PITPNM1: variants seen among roughly 807,000 people sequenced by gnomAD.
PITPNM1 encodes the protein membrane-associated phosphatidylinositol transfer protein 1.
A neutral mutation model predicts 133.3 loss-of-function variants in PITPNM1; 74 were observed. That is an observed-to-expected ratio of 0.56 (90% CI 0.46 to 0.67). The LOEUF (loss-of-function observed/expected upper bound fraction) is 0.67, where lower values mean the gene tolerates loss of function less well. Among genes scored for constraint, PITPNM1 ranks in the 30% least tolerant of loss-of-function variants. The pLI, the probability that PITPNM1 is intolerant of heterozygous loss-of-function variation, is 0.00. For missense variants in PITPNM1, 1,398 were observed against 1,739.5 expected, an observed-to-expected ratio of 0.80 and a Z score of 3.49; for synonymous variants, 738 against 741.4, an observed-to-expected ratio of 1.00 and a Z score of 0.08.
In PITPNM1 at chr11:67,498,558, T is replaced by A; in HGVS notation, c.1484+38A>T. The A allele has an allele frequency of 6.3e-7, 1 of 1,584,670 alleles. No homozygotes were observed. Among genetic ancestry groups the A allele is most frequent in the South Asian group, 1.1e-5 (1 of 89,922 alleles). ...CTCCCTGCCCCGCTCCCTGGCCTGA[T>A]CCTACGAGTTCCCTGCCCTTCCACC... On this transcript the variant is annotated intron_variant, in intron 10 of 23. Coordinates refer to ENST00000356404, the MANE Select transcript of PITPNM1 (RefSeq NM_004910.3). The surrounding 1 kb of genome is among the most constrained non-coding windows in gnomAD (Gnocchi z 5.7).
Position 67,497,269 on chromosome 11 carries a change from A to G in PITPNM1, c.2108T>C (p.Val703Ala). The change falls in exon 14 of 24, where the codon GTG (valine) becomes GCG (alanine). Residue 703 changes from valine (V) to alanine (A), a missense_variant. Around this residue, in one of 5 missense-constraint regions of PITPNM1, gnomAD observed 574 missense variants for 698.7 expected, o/e 0.82. Transcript: ENST00000356404. ...FFLFGSPLGLVLALRKTVMPA... is the reference protein window; with the variant it reads ...FFLFGSPLGLALALRKTVMPA... ...CATCACAGTTTTGCGCAGAGCCAGC[A>G]CCAGGCCCAGTGGGGAGCCGAAGAG... is the stretch of plus-strand genomic sequence containing the variant. 1 of 1,612,164 alleles carries G rather than the reference A, an allele frequency of 6.2e-7. No individual in the cohort carries two copies. Among genetic ancestry groups the G allele is most frequent in the South Asian group, 1.1e-5 (1 of 91,040 alleles).
At position 67,498,760 on chromosome 11, in the gene PITPNM1, G is replaced by A; in HGVS notation, c.1320C>T (p.Asp440=). ...TGGAGTTGGCGTCTCCAGGGCCTGA[G>A]TCCAGGATGTTGCCGCTGTGCAGGA... The part of the protein sequence containing the change: ...FLILHSGNIL[D]SGPGDANSKQ... The change falls in exon 10 of 24, where the codon GAC becomes GAT. Residue 440 remains aspartate (D), a synonymous_variant. Transcript: ENST00000356404. The surrounding 1 kb of genome is among the most constrained non-coding windows in gnomAD (Gnocchi z 5.7). The A allele has an allele frequency of 6.2e-7, 1 of 1,611,990 alleles. No individual in the cohort carries two copies. Among genetic ancestry groups the A allele is most frequent in the Non-Finnish European group, 8.5e-7 (1 of 1,180,002 alleles).
At chr11:67,492,846 T>C (rs1865976107) in intron 23 of PITPNM1, 88 bp downstream of exon 23, 1 of 1,490,320 alleles carries the variant, frequency 6.7e-7, no homozygotes, top group African/African-American at 1.4e-5. Context: ...TTCTCACATC[T>C]TCCCCAGAGT....
chr11:67,497,717 G>A (rs756699613), intron 12 of PITPNM1, 38 bp from the exon 13 acceptor site: 3 of 1,600,564 alleles, frequency 1.9e-6, no homozygotes, highest in Admixed American at 1.8e-5. Flanking sequence ...CTTAGGCCTG[G>A]GGACCATTCG....
rs1278669995 is a variant in PITPNM1 at position 67,502,950 on chromosome 11, A to G, written c.79-232T>C. ...AGTTGAGTCATTCAAGTATTCATTG[A>G]GTGTCTGCTCCACTCCAGGCAGTGT... On this transcript the variant is annotated intron_variant, in intron 2 of 23. Transcript: ENST00000356404. The surrounding 1 kb of genome is among the most constrained non-coding windows in gnomAD (Gnocchi z 5.9). Among the ~76,000 whole-genome samples the G allele has an allele frequency of 6.6e-6, 1 of 152,230 alleles. No individual in the cohort carries two copies. Among genetic ancestry groups the G allele is most frequent in the Non-Finnish European group, 1.5e-5 (1 of 68,044 alleles).
intron 5 of PITPNM1, among the ~76,000 whole-genome samples, chr11:67,500,669 C>T (rs111838718): frequency 1.3e-5 from 2 of 152,242 alleles, no homozygotes; most frequent in Non-Finnish European, 1.5e-5. Flanking sequence ...GCACTGTCCC[C>T]ACCCCATCAC....
rs1344150216 is a variant in PITPNM1, at chr11:67,502,774, T to G, written c.79-56A>C. The G allele has an allele frequency of 6.4e-7, 1 of 1,551,238 alleles. No homozygotes were observed. Among genetic ancestry groups the G allele is most frequent in the Non-Finnish European group, 8.9e-7 (1 of 1,128,586 alleles). The stretch of plus-strand genomic sequence containing the variant: ...CTCAGCCCCAGCTTAGCATCTGGGA[T>G]CCCCAGCTCAGCCTGGTGTTCTACA... On this transcript the variant is annotated intron_variant, in intron 2 of 23. Coordinates refer to ENST00000356404, the MANE Select transcript of PITPNM1 (RefSeq NM_004910.3). The surrounding 1 kb of genome is among the most constrained non-coding windows in gnomAD (Gnocchi z 5.9).
In PITPNM1 at chr11:67,492,966, G is replaced by A; in HGVS notation, c.3439C>T (p.Arg1147Cys). 2 of 1,612,968 alleles carry A rather than the reference G, an allele frequency of 1.2e-6. No homozygotes were observed. The highest frequency in any genetic ancestry group is 1.7e-6 in the Non-Finnish European group (2 of 1,179,932). ...LSPSQTYIVG[R>C]AVRKLQAQCQ... Reference sequence around the variant, plus strand: ...TGCGCCTGTAGCTTCCGCACGGCACGGCCCACGATGTAGGTCTGGCTCGGG... The same window carrying A: ...TGCGCCTGTAGCTTCCGCACGGCACAGCCCACGATGTAGGTCTGGCTCGGG... The change falls in exon 23 of 24, where the codon CGT (arginine) becomes TGT (cysteine). Residue 1147 changes from arginine to cysteine, a missense_variant. By Grantham distance (180) the Arg-to-Cys change is radical. This residue lies in a region of PITPNM1 where 233 missense variants were observed against 378.0 expected (regional missense o/e 0.62). Coordinates refer to ENST00000356404, the MANE Select transcript of PITPNM1 (RefSeq NM_004910.3).
chr11:67,496,517 G>C, intron 14 of PITPNM1, 169 bp from the exon 15 acceptor site: 1 of 571,768 alleles, frequency 1.7e-6, no homozygotes, highest in Non-Finnish European at 2.9e-6. Flanking sequence ...AGTGAGACAG[G>C]GGCTGGGCAC....
chr11:67,497,630 G>C lies in PITPNM1; in HGVS notation c.1832C>G (p.Ala611Gly). The C allele has an allele frequency of 6.2e-7, 1 of 1,608,530 alleles. No individual in the cohort carries two copies. The highest frequency in any genetic ancestry group is 1.1e-5 in the South Asian group (1 of 90,602). Reference protein sequence around the residue: ...PEFGPVRDPLADGVEGLGRGS... With the variant: ...PEFGPVRDPLGDGVEGLGRGS... ...CCGACCCAGGCCTTCCACACCATCT[G>C]CCAGGGGGTCCCGCACTGGGCCAAA... Residue 611 changes from alanine (A) to glycine (G), a missense_variant, in exon 13 of 24, where the codon GCA (alanine) becomes GGA (glycine). Transcript: ENST00000356404.
Position 67,504,576 on chromosome 11 carries a change from C to A in PITPNM1, c.-41-355G>T, listed in dbSNP as rs1411437273. On this transcript the variant is annotated intron_variant, in intron 1 of 23. Coordinates refer to ENST00000356404, the MANE Select transcript of PITPNM1 (RefSeq NM_004910.3). This position sits in a 1 kb window ranked among gnomAD's most constrained non-coding sequence, Gnocchi z 5.4. ...GGGAAACGGCATCCCTCTGGGCGCGCCCCCGAAGCCCCGGGGCCCCTCCTT... is the reference window on the plus strand; with the variant it reads ...GGGAAACGGCATCCCTCTGGGCGCGACCCCGAAGCCCCGGGGCCCCTCCTT... 2 of 152,010 alleles carry A rather than the reference C, an allele frequency of 1.3e-5. No individual in the cohort carries two copies. The highest frequency in any genetic ancestry group is 4.8e-5 in the African/African-American group (2 of 41,394). The allele number at this position is 152,010 out of a possible 1,614,324, so 9.4% of individuals were successfully genotyped here.
chr11:67,493,491 G>A lies in PITPNM1; in HGVS notation c.3261C>T (p.His1087=), dbSNP rs368390007. Residue 1087 remains histidine (H), a synonymous_variant, in exon 22 of 24, where the codon CAC becomes CAT. Coordinates refer to ENST00000356404, the MANE Select transcript of PITPNM1 (RefSeq NM_004910.3). ...VAWLSQHNFP[H]GVVSFCDGLT... ...GGCCGTCGCAGAAGGAGACGACGCC[G>A]TGGGGGAAGTTGTGCTGCGACAGCC... 6 of 1,601,812 alleles carry A rather than the reference G, an allele frequency of 3.7e-6. No individual in the cohort carries two copies. In the African/African-American group the frequency reaches 5.4e-5, roughly 14 times the overall value.
At position 67,502,024 on chromosome 11, in the gene PITPNM1, G is replaced by A. The variant is rs776843118; in HGVS notation, c.478C>T (p.Arg160Trp). The A allele has an allele frequency of 1.1e-5, 17 of 1,613,280 alleles. No individual in the cohort carries two copies. The highest frequency in any genetic ancestry group is 1.7e-5 in the Admixed American group (1 of 59,994). ...PGEYKAEEDP[R>W]LYHSVKTGRG... is the part of the protein sequence containing the mutation. ...CCCGTCTTGACCGAGTGATAAAGCC[G>A]GGGGTCCTCTTCTGCTTTGTACTCG... The change falls in exon 5 of 24, where the codon CGG (arginine) becomes TGG (tryptophan). Residue 160 changes from arginine to tryptophan, a missense_variant. Coordinates refer to ENST00000356404, the MANE Select transcript of PITPNM1 (RefSeq NM_004910.3). This position sits in a 1 kb window ranked among gnomAD's most constrained non-coding sequence, Gnocchi z 5.9.
At position 67,494,828 on chromosome 11, in the gene PITPNM1, G is replaced by A. The variant is rs200799639; in HGVS notation, c.2742+18C>T. 579 of 1,553,248 alleles carry A rather than the reference G, an allele frequency of 3.7e-4. No individual in the cohort carries two copies. The highest frequency in any genetic ancestry group is 5.1e-4 in the Admixed American group (30 of 58,870). ...AGAGTGGGCGAGTGGGCGAGGGGGC[G>A]AGGGGCAGGGCACCTACCCGGATCT... On this transcript the variant is annotated intron_variant, in intron 18 of 23. Transcript: ENST00000356404.
chr11:67,504,674 C>G lies in PITPNM1; in HGVS notation c.-41-453G>C, dbSNP rs1866442237. 6.6e-6 allele frequency: 1 copy of G among 152,238 alleles called. No individual in the cohort carries two copies. The highest frequency in any genetic ancestry group is 2.4e-5 in the African/African-American group (1 of 41,464). 9.4% of individuals were successfully genotyped at this position (152,238 alleles called of 1,614,324 possible). On this transcript the variant is annotated intron_variant, in intron 1 of 23. Transcript: ENST00000356404. This position sits in a 1 kb window ranked among gnomAD's most constrained non-coding sequence, Gnocchi z 5.4. ...TCCCCTTCCCGGAGTCGGCGGGGTC[C>G]CAAGTCCCCCACTCTCGGACGTCCA...
rs1866022028 is a variant in PITPNM1 at position 67,493,956 on chromosome 11, C to T, written c.2974G>A (p.Gly992Ser). 2 of 1,606,234 alleles carry T rather than the reference C, an allele frequency of 1.2e-6. No homozygotes were observed. The highest frequency in any genetic ancestry group is 1.7e-6 in the Non-Finnish European group (2 of 1,176,468). ...ATGCGCACGGGGTAGACACCAATGCCCAGCGCGCGTTCTGGGGGAACTGGG... is the reference window on the plus strand; with the variant it reads ...ATGCGCACGGGGTAGACACCAATGCTCAGCGCGCGTTCTGGGGGAACTGGG... ...TFPVPPERAL[G>S]IGVYPVRMVV... The change falls in exon 20 of 24, where the codon GGC becomes AGC. Residue 992 changes from glycine to serine, a missense_variant. Transcript: ENST00000356404.
At position 67,502,271 on chromosome 11, in the gene PITPNM1, C is replaced by T. The variant is rs374003580; in HGVS notation, c.415+21G>A. Reference sequence around the variant, plus strand: ...GAGCCTGAGAGGGGCGCCAGGGTCCCCCCATAGCTCCAGGCCTCACCCAGG... The same window carrying T: ...GAGCCTGAGAGGGGCGCCAGGGTCCTCCCATAGCTCCAGGCCTCACCCAGG... On this transcript the variant is annotated intron_variant, in intron 4 of 23. Transcript: ENST00000356404. This position sits in a 1 kb window ranked among gnomAD's most constrained non-coding sequence, Gnocchi z 5.9. The T allele has an allele frequency of 7.5e-6, 12 of 1,609,910 alleles. No individual in the cohort carries two copies. In the Admixed American group the frequency reaches 1.7e-4, roughly 22 times the overall value.
intron 23 of PITPNM1, 68 bp from the exon 24 acceptor site, chr11:67,492,364 C>A (rs777631999): frequency 6.9e-7 from 1 of 1,440,208 alleles, no homozygotes; most frequent in Non-Finnish European, 9.2e-7. Context: ...CTCCACGGTC[C>A]TCCAGAGGCA....
At chr11:67,499,092 C>T in intron 8 of PITPNM1, 91 bp from the exon 9 acceptor site, 1 of 1,286,880 alleles carries the variant, frequency 7.8e-7, no homozygotes, top group South Asian at 1.4e-5. Context: ...TGGCATCTGC[C>T]TGAGGCCCCC....
Sources: allele counts gnomAD v4.1 joint callset (sites outside exome capture counted in the v4.1 genomes callset), GRCh38; gene constraint gnomAD v4.1.1; regional missense constraint gnomAD v4.1.1; non-coding constraint Gnocchi (gnomAD v3.1); transcripts MANE v1.5; gene names NCBI Gene and HGNC (gene_info 2026-07-23, HGNC 2026-07-21).